SH2D4A: variants seen among roughly 807,000 people sequenced by gnomAD.
The protein encoded by SH2D4A is SH2 domain-containing protein 4A.
A neutral mutation model predicts 64.7 loss-of-function variants in SH2D4A; 70 were observed. That is an observed-to-expected ratio of 1.08 (90% CI 0.89 to 1.32). SH2D4A has a LOEUF of 1.32. SH2D4A is among the 40% of genes most tolerant of loss of function. SH2D4A has a pLI of 0.00. For missense variants in SH2D4A, 706 were observed against 540.1 expected (o/e 1.31, Z -3.04); for synonymous variants, 268 against 200.7 (o/e 1.34, Z -2.83).
chr8:19,386,352 TC>T (rs1013241300), intron 8 of SH2D4A, among the ~76,000 whole-genome samples: 5 of 152,254 alleles, frequency 3.3e-5, no homozygotes, highest in Admixed American at 1.3e-4. Flanking sequence ...GCTGGCTTTT[TC>T]CTGGAAGAAG....
intron 8 of SH2D4A, among the ~76,000 whole-genome samples, chr8:19,389,541 C>T (rs534554422): frequency 4.2e-4 from 64 of 152,190 alleles, no homozygotes; most frequent in African/African-American, 1.5e-3. Context: ...GTTTCAGTTC[C>T]TGCTCTGCCC....
intron 8 of SH2D4A, among the ~76,000 whole-genome samples, chr8:19,382,640 T>G (rs1029724118): frequency 6.6e-6 from 1 of 152,184 alleles, no homozygotes; most frequent in East Asian, 1.9e-4. Context: ...ACTGATAATA[T>G]TCTCAACTTA....
chr8:19,339,449 A>G (rs556455116), intron 4 of SH2D4A, among the ~76,000 whole-genome samples: 2 of 150,418 alleles, frequency 1.3e-5, no homozygotes, highest in South Asian at 4.2e-4. Context: ...CTCCAAACAC[A>G]TATCAGATAT....
rs2053584302 is a variant in SH2D4A at position 19,396,025 on chromosome 8, T to C, written c.*1383T>C. 1 of 152,186 alleles carries C rather than the reference T, an allele frequency of 6.6e-6. No homozygotes were observed. Among genetic ancestry groups the C allele is most frequent in the Non-Finnish European group, 1.5e-5 (1 of 68,058 alleles). The allele number at this position is 152,186 out of a possible 1,614,324, so 9.4% of individuals were successfully genotyped here. ...CATATTTGTCCCGTCAGGAATCTTA[T>C]GCCCTCCTGGAACCCCCGCCCACCT... On this transcript the variant is annotated 3_prime_UTR_variant, in exon 10 of 10. Transcript: ENST00000265807.
At chr8:19,326,952 G>A (rs776478318) in intron 2 of SH2D4A, among the ~76,000 whole-genome samples, 3 of 152,168 alleles carry the variant, frequency 2.0e-5, no homozygotes, top group Non-Finnish European at 4.4e-5. Flanking sequence ...TGCTGTGAGT[G>A]GCATCATGCT....
chr8:19,361,627 T>G (rs1229331845), intron 6 of SH2D4A, among the ~76,000 whole-genome samples: 2 of 152,148 alleles, frequency 1.3e-5, no homozygotes, highest in Non-Finnish European at 2.9e-5. Context: ...CTCATTAGCT[T>G]GGGGAAGAAA....
At chr8:19,314,314 G>T (rs1381569831) in intron 1 of SH2D4A, among the ~76,000 whole-genome samples, 1 of 152,166 alleles carries the variant, frequency 6.6e-6, no homozygotes, top group African/African-American at 2.4e-5. Flanking sequence ...CTTCCAGGAG[G>T]GAAGTCCCGG....
chr8:19,359,206 GCTATTACTCTGTGAAA>G (rs1197189303), intron 5 of SH2D4A, among the ~76,000 whole-genome samples: 2 of 152,130 alleles, frequency 1.3e-5, no homozygotes, highest in East Asian at 3.9e-4. Flanking sequence ...GATCTCATCT[GCTATTACTCTGTGAAA>G]CTCGTTAATT....
chr8:19,330,399 C>G (rs919611327), intron 2 of SH2D4A, among the ~76,000 whole-genome samples: 1 of 152,178 alleles, frequency 6.6e-6, no homozygotes, highest in African/African-American at 2.4e-5. Flanking sequence ...TTTTCAGCAT[C>G]TCACTAACTC....
intron 2 of SH2D4A, among the ~76,000 whole-genome samples, chr8:19,331,155 A>G (rs73599055): frequency 0.025 from 3,883 of 152,316 alleles, 178 homozygotes; most frequent in African/African-American, 0.089. Context: ...AAGGGTCAAA[A>G]GAAAGCACGA....
rs1476191247 is a variant in SH2D4A, at chr8:19,393,362, G to C, written c.1093G>C (p.Gly365Arg). 1 of 1,614,058 alleles carries C rather than the reference G, an allele frequency of 6.2e-7. No homozygotes were observed. The highest frequency in any genetic ancestry group is 1.1e-5 in the South Asian group (1 of 91,078). ...AGCAAATGAACTTCTTCTGAGCACAGGCATGCCCGGCAGTTTTCTCATCCG... is the reference window on the plus strand; with the variant it reads ...AGCAAATGAACTTCTTCTGAGCACACGCATGCCCGGCAGTTTTCTCATCCG... ...KKANELLLSTGMPGSFLIRVS... is the reference protein window; with the variant it reads ...KKANELLLSTRMPGSFLIRVS... The change falls in exon 9 of 10, where the codon GGC becomes CGC. Residue 365 changes from glycine to arginine, a missense_variant. Transcript: ENST00000265807.
chr8:19,390,564 G>A (rs1228196965), intron 8 of SH2D4A, among the ~76,000 whole-genome samples: 6 of 152,162 alleles, frequency 3.9e-5, no homozygotes, highest in Admixed American at 1.3e-4. Flanking sequence ...ACATTGACCT[G>A]TGTATTTAGC....
chr8:19,364,261 C>T lies in SH2D4A; in HGVS notation c.896C>T (p.Ala299Val), dbSNP rs748495963. ...AAGCCTCAGTTCCTAAACTCAGGGGCATATCCTCAAAAACCTCTTAGGTAA... is the reference window on the plus strand; with the variant it reads ...AAGCCTCAGTTCCTAAACTCAGGGGTATATCCTCAAAAACCTCTTAGGTAA... ...PPKPQFLNSGAYPQKPLRNQG... is the reference protein window; with the variant it reads ...PPKPQFLNSGVYPQKPLRNQG... Residue 299 changes from alanine to valine, a missense_variant, in exon 7 of 10, where the codon GCA becomes GTA. Coordinates refer to ENST00000265807, the MANE Select transcript of SH2D4A (RefSeq NM_022071.4). The T allele has an allele frequency of 8.7e-6, 14 of 1,614,008 alleles. No homozygotes were observed. In the East Asian group the frequency reaches 1.8e-4, roughly 21 times the overall value.
chr8:19,394,058 G>C (rs947709717), intron 9 of SH2D4A, among the ~76,000 whole-genome samples: 1 of 152,134 alleles, frequency 6.6e-6, no homozygotes, highest in African/African-American at 2.4e-5. Context: ...GGTGATGGGG[G>C]ACTGTGACAG....
chr8:19,384,555 G>T (rs2053351415), intron 8 of SH2D4A, among the ~76,000 whole-genome samples: 1 of 152,086 alleles, frequency 6.6e-6, no homozygotes, highest in Non-Finnish European at 1.5e-5. Context: ...CCAACATTAA[G>T]AAAGACCTTA....
rs138159865 is a variant in SH2D4A at position 19,342,706 on chromosome 8, G to A, written c.513+7849G>A. On this transcript the variant is annotated intron_variant, in intron 4 of 9. Coordinates refer to ENST00000265807, the MANE Select transcript of SH2D4A (RefSeq NM_022071.4). ...CAGGTCCCTCTTATTATCTGCCCCCGGGAAGGTAATCACGTCTGCACCTTA... is the reference window on the plus strand; with the variant it reads ...CAGGTCCCTCTTATTATCTGCCCCCAGGAAGGTAATCACGTCTGCACCTTA... Among the ~76,000 whole-genome samples, 736 of 152,264 alleles carry A rather than the reference G, an allele frequency of 4.8e-3. 2 individuals carry two copies. The highest frequency in any genetic ancestry group is 0.016 in the African/African-American group (660 of 41,548).
At chr8:19,340,474 G>C (rs944683655) in intron 4 of SH2D4A, among the ~76,000 whole-genome samples, 3 of 152,112 alleles carry the variant, frequency 2.0e-5, no homozygotes, top group Non-Finnish European at 4.4e-5. Context: ...GGACAGGCGT[G>C]TCTGGAGAAA....
intron 1 of SH2D4A, among the ~76,000 whole-genome samples, chr8:19,315,195 G>C (rs766540011): frequency 5.3e-5 from 8 of 152,126 alleles, no homozygotes; most frequent in Non-Finnish European, 1.0e-4. Flanking sequence ...TGGTGCAGTG[G>C]TGCGATCTCG....
chr8:19,326,925 T>C (rs2052290694), intron 2 of SH2D4A, among the ~76,000 whole-genome samples: 1 of 152,212 alleles, frequency 6.6e-6, no homozygotes, highest in Admixed American at 6.5e-5. Flanking sequence ...CACCTGGGAA[T>C]AAATCCAACT....
Sources: allele counts gnomAD v4.1 joint callset (sites outside exome capture counted in the v4.1 genomes callset), GRCh38; gene constraint gnomAD v4.1.1; transcripts MANE v1.5; gene names NCBI Gene and HGNC (gene_info 2026-07-23, HGNC 2026-07-21).